Variants in PHLPP1 observed in about 807,000 individuals in gnomAD.
PHLPP1 encodes the protein PH domain leucine-rich repeat-containing protein phosphatase 1.
PHLPP1 carries 42 observed loss-of-function variants against 117.2 expected under a neutral mutation model. The ratio of observed to expected loss-of-function variants is 0.36; its 90% CI spans 0.28 to 0.46. PHLPP1 has a LOEUF of 0.46. Among genes scored for constraint, PHLPP1 ranks in the 20% least tolerant of loss-of-function variants. The pLI, the probability that PHLPP1 is intolerant of heterozygous loss-of-function variation, is 1.00. For synonymous variants in PHLPP1, 1,042 were observed against 970.7 expected, an observed-to-expected ratio of 1.07 and a Z score of -1.37; for missense variants, 2,084 against 2,241.9, an observed-to-expected ratio of 0.93 and a Z score of 1.42.
At chr18:62,726,309 A>G (rs184455940) in intron 1 of PHLPP1, among the ~76,000 whole-genome samples, 162 of 149,714 alleles carry the variant, frequency 1.1e-3, no homozygotes, top group African/African-American at 3.7e-3. Context: ...ACTTGTTCAT[A>G]TCCCTTGCCT....
chr18:62,944,873 A>G (rs527402508), intron 11 of PHLPP1, among the ~76,000 whole-genome samples: 1 of 152,310 alleles, frequency 6.6e-6, no homozygotes, highest in African/African-American at 2.4e-5. Flanking sequence ...TTTAGGAGGA[A>G]AAGGGCATCC....
intron 1 of PHLPP1, among the ~76,000 whole-genome samples, chr18:62,761,587 C>T (rs932984154): frequency 4.6e-5 from 7 of 151,340 alleles, no homozygotes; most frequent in African/African-American, 7.3e-5. Flanking sequence ...GAGCCGAGAT[C>T]GCGCCACTGC....
intron 1 of PHLPP1, chr18:62,826,268 AT>A (rs1220058659): frequency 2.3e-6 from 1 of 426,306 alleles, no homozygotes; most frequent in Non-Finnish European, 4.7e-6. Flanking sequence ...AAAATCCTGA[AT>A]TCATGAATGT....
intron 3 of PHLPP1, among the ~76,000 whole-genome samples, chr18:62,841,943 G>A (rs1052014965): frequency 1.3e-5 from 2 of 152,104 alleles, no homozygotes; most frequent in Admixed American, 1.3e-4. Flanking sequence ...TCAAAGTAAG[G>A]CAGGCATGGA....
At chr18:62,770,151 C>G (rs182551843) in intron 1 of PHLPP1, among the ~76,000 whole-genome samples, 1 of 152,078 alleles carries the variant, frequency 6.6e-6, no homozygotes, top group Non-Finnish European at 1.5e-5. Flanking sequence ...ACTTTTGTCA[C>G]CCAGGCTGGA....
intron 1 of PHLPP1, among the ~76,000 whole-genome samples, chr18:62,721,429 G>GGTGTGTGTGTGTGT (rs71340107): frequency 6.9e-6 from 1 of 144,312 alleles, no homozygotes; most frequent in African/African-American, 2.5e-5. Flanking sequence ...GAGGGGTGTG[G>GGTGTGTGTGTGTGT]GTGTGTGTGT....
rs757975812 is a variant in PHLPP1, at chr18:62,941,691, G to T, written c.2961-27G>T. ...TGAGGGTTTTTGTGACTTTTCAATG[G>T]CATTTTGTTGCGTTTTGTCATTGTA... is the stretch of plus-strand genomic sequence containing the variant. On this transcript the variant is annotated intron_variant, in intron 10 of 16. Coordinates refer to ENST00000262719, the MANE Select transcript of PHLPP1 (RefSeq NM_194449.4). The T allele has an allele frequency of 1.7e-4, 270 of 1,570,612 alleles. 1 individual carries two copies. The highest frequency in any genetic ancestry group is 2.0e-4 in the Non-Finnish European group (224 of 1,146,272).
chr18:62,978,514 G>T lies in PHLPP1; in HGVS notation c.4237G>T (p.Asp1413Tyr). 2.5e-6 allele frequency: 4 copies of T among 1,609,576 alleles called. No homozygotes were observed. Among genetic ancestry groups the T allele is most frequent in the Non-Finnish European group, 3.4e-6 (4 of 1,177,812 alleles). ...CTLAQSYGCHDSISAVVVQLS... is the reference protein window; with the variant it reads ...CTLAQSYGCHYSISAVVVQLS... The stretch of plus-strand genomic sequence containing the variant: ...CCTGGCCCAGAGCTACGGCTGCCAC[G>T]ACAGCATCAGCGCTGTGGTGGTGCA... Residue 1413 changes from aspartate (D) to tyrosine (Y), a missense_variant, in exon 17 of 17, where the codon GAC becomes TAC. Physicochemically the swap from Asp to Tyr is radical, Grantham distance 160. Transcript: ENST00000262719. This position sits in a 1 kb window ranked among gnomAD's most constrained non-coding sequence, Gnocchi z 7.0.
Position 62,752,954 on chromosome 18 carries a change from G to C in PHLPP1, c.1576+35695G>C, listed in dbSNP as rs190542695. Among the ~76,000 whole-genome samples the C allele has an allele frequency of 8.5e-4, 129 of 152,286 alleles. 1 individual carries two copies. The highest frequency in any genetic ancestry group is 3.1e-3 in the African/African-American group (129 of 41,546). ...CTAAATAAAAGTGGAGAGTGTAGTT[G>C]TGTGTTGTGCCATATTACTACTGTG... On this transcript the variant is annotated intron_variant, in intron 1 of 16. Coordinates refer to ENST00000262719, the MANE Select transcript of PHLPP1 (RefSeq NM_194449.4).
intron 3 of PHLPP1, 77 bp downstream of exon 3, chr18:62,838,986 A>G (rs1192396419): frequency 1.3e-6 from 2 of 1,487,406 alleles, no homozygotes; most frequent in Non-Finnish European, 9.2e-7. Flanking sequence ...AGCTGGGTCT[A>G]AAATATGGTT....
At chr18:62,892,605 G>A (rs887315080) in intron 4 of PHLPP1, among the ~76,000 whole-genome samples, 5 of 151,826 alleles carry the variant, frequency 3.3e-5, no homozygotes, top group Admixed American at 1.3e-4. Flanking sequence ...AGCCAGGTGC[G>A]GTGGCTCACG....
intron 1 of PHLPP1, among the ~76,000 whole-genome samples, chr18:62,726,167 A>G (rs560044545): frequency 7.0e-4 from 107 of 152,206 alleles, no homozygotes; most frequent in African/African-American, 2.5e-3. Context: ...TGGAGGTAGG[A>G]TATGATGAGA....
intron 12 of PHLPP1, 107 bp from the exon 13 acceptor site, chr18:62,958,522 T>G (rs1910682794): frequency 9.4e-7 from 1 of 1,066,568 alleles, no homozygotes; most frequent in African/African-American, 1.6e-5. Context: ...TCTAGTGTAT[T>G]ATAATGAATG....
In PHLPP1 at chr18:62,715,677, C is replaced by T; in HGVS notation, c.-7C>T. On this transcript the variant is annotated 5_prime_UTR_variant, in exon 1 of 17. Coordinates refer to ENST00000262719, the MANE Select transcript of PHLPP1 (RefSeq NM_194449.4). ...GAGCTGGGGGGGAAACGCGAAGCCC[C>T]ACTGCAATGGAGCCCGCCGCCGCGG... 7.8e-7 allele frequency: 1 copy of T among 1,286,448 alleles called. No individual in the cohort carries two copies. Among genetic ancestry groups the T allele is most frequent in the Non-Finnish European group, 9.9e-7 (1 of 1,015,124 alleles). 79.7% of individuals were successfully genotyped at this position (1,286,448 alleles called of 1,614,324 possible). A position where few individuals can be genotyped will look rare whatever the true frequency, so the allele number is the denominator to read the frequency against.
Position 62,715,667 on chromosome 18 carries a change from C to G in PHLPP1, c.-17C>G, listed in dbSNP as rs1264493577. On this transcript the variant is annotated 5_prime_UTR_variant, in exon 1 of 17. Transcript: ENST00000262719. ...GCTGCCTCCGGAGCTGGGGGGGAAA[C>G]GCGAAGCCCCACTGCAATGGAGCCC... 7.8e-7 allele frequency: 1 copy of G among 1,274,362 alleles called. No individual in the cohort carries two copies. The highest frequency in any genetic ancestry group is 3.1e-5 in the East Asian group (1 of 32,028). 78.9% of individuals were successfully genotyped at this position (1,274,362 alleles called of 1,614,324 possible). A position where few individuals can be genotyped will look rare whatever the true frequency, so the allele number is the denominator to read the frequency against.
Position 62,978,992 on chromosome 18 carries a change from G to T in PHLPP1, c.4715G>T (p.Ser1572Ile). The T allele has an allele frequency of 6.2e-7, 1 of 1,612,788 alleles. No homozygotes were observed. ...RVEVEVDIHC[S>I]RAKEKEKQQH... is the part of the protein sequence containing the mutation. ...GAGGTGGAGGTGGACATCCACTGCAGCCGGGCCAAGGAGAAGGAGAAACAG... is the reference window on the plus strand; with the variant it reads ...GAGGTGGAGGTGGACATCCACTGCATCCGGGCCAAGGAGAAGGAGAAACAG... The change falls in exon 17 of 17, where the codon AGC becomes ATC. Residue 1572 changes from serine to isoleucine, a missense_variant. Coordinates refer to ENST00000262719, the MANE Select transcript of PHLPP1 (RefSeq NM_194449.4). This position sits in a 1 kb window ranked among gnomAD's most constrained non-coding sequence, Gnocchi z 7.0.
chr18:62,735,021 T>A (rs1351921194), intron 1 of PHLPP1, among the ~76,000 whole-genome samples: 3 of 152,082 alleles, frequency 2.0e-5, no homozygotes, highest in Admixed American at 6.5e-5. Flanking sequence ...ATCTTGGAAC[T>A]GCTTAAGAGG....
intron 8 of PHLPP1, 103 bp from the exon 9 acceptor site, chr18:62,914,810 T>C: frequency 1.3e-6 from 1 of 749,794 alleles, no homozygotes; most frequent in Non-Finnish European, 2.2e-6. Context: ...CTTGGTACTT[T>C]GGTATTTTAT....
intron 1 of PHLPP1, among the ~76,000 whole-genome samples, chr18:62,740,014 C>T (rs750436708): frequency 6.6e-6 from 1 of 152,236 alleles, no homozygotes; most frequent in East Asian, 1.9e-4. Flanking sequence ...GGAAGGGAAA[C>T]GGGGACAAAG....
Sources: allele counts gnomAD v4.1 joint callset (sites outside exome capture counted in the v4.1 genomes callset), GRCh38; gene constraint gnomAD v4.1.1; non-coding constraint Gnocchi (gnomAD v3.1); transcripts MANE v1.5; gene names NCBI Gene and HGNC (gene_info 2026-07-23, HGNC 2026-07-21).